LGSN: variants seen among roughly 807,000 people sequenced by gnomAD.
The protein encoded by LGSN is lengsin, lens protein with glutamine synthetase domain.
Under a neutral mutation model 19.5 loss-of-function variants are expected in LGSN, and 21 were observed. The ratio of observed to expected loss-of-function variants is 1.07; its 90% CI spans 0.76 to 1.55. LGSN has a LOEUF of 1.55. LGSN is among the 40% of genes most tolerant of loss of function. The pLI is 0.00. For synonymous variants in LGSN, 257 were observed against 215.6 expected (o/e 1.19, Z -1.68); for missense variants, 673 against 608.5 (o/e 1.11, Z -1.12).
chr6:63,533,832 T>TTAA, the LGSN span, among the ~76,000 whole-genome samples: 1 of 149,768 alleles, frequency 6.7e-6, no homozygotes, highest in African/African-American at 2.5e-5. Context: ...AACAAACTTT[T>TTAA]TTAATTAATT....
chr6:63,411,268 A>G, the LGSN span, among the ~76,000 whole-genome samples: 1 of 152,218 alleles, frequency 6.6e-6, no homozygotes, highest in Non-Finnish European at 1.5e-5. Flanking sequence ...TTACGCAGAC[A>G]TTCTCCCAGT....
the LGSN span, among the ~76,000 whole-genome samples, chr6:63,566,197 G>A: frequency 1.3e-5 from 2 of 152,220 alleles, no homozygotes; most frequent in Non-Finnish European, 2.9e-5. Context: ...GACAGGGCTG[G>A]TTTGAGATTT....
chr6:63,525,704 C>T, the LGSN span, among the ~76,000 whole-genome samples: 1 of 152,164 alleles, frequency 6.6e-6, no homozygotes, highest in Non-Finnish European at 1.5e-5. Flanking sequence ...TTTCACCTTT[C>T]CCCCCAGGCC....
chr6:63,387,104 A>C, the LGSN span, among the ~76,000 whole-genome samples: 1 of 152,178 alleles, frequency 6.6e-6, no homozygotes, highest in Middle Eastern at 3.2e-3. Context: ...CCGTCTCAAA[A>C]AAAAATAAAA....
the LGSN span, among the ~76,000 whole-genome samples, chr6:63,325,721 G>T: frequency 1.3e-5 from 2 of 152,150 alleles, no homozygotes; most frequent in East Asian, 3.9e-4. Context: ...ATGTTCAGAT[G>T]TGTTCGGAGT....
the LGSN span, among the ~76,000 whole-genome samples, chr6:63,385,167 AAAT>A: frequency 6.6e-6 from 1 of 152,242 alleles, no homozygotes; most frequent in African/African-American, 2.4e-5. Flanking sequence ...ATGAATTTTA[AAAT>A]AATGACACAA....
the LGSN span, among the ~76,000 whole-genome samples, chr6:63,447,173 G>A: frequency 6.6e-6 from 1 of 152,298 alleles, no homozygotes; most frequent in African/African-American, 2.4e-5. Flanking sequence ...CTCTGCTGTC[G>A]GTGTGCTTAA....
chr6:63,342,813 C>A, the LGSN span, among the ~76,000 whole-genome samples: 1 of 152,198 alleles, frequency 6.6e-6, no homozygotes, highest in Admixed American at 6.5e-5. Flanking sequence ...CAAATTCTGG[C>A]CCTAGCCTAT....
At chr6:63,313,877 TA>T (rs1296101973) in intron 1 of LGSN, among the ~76,000 whole-genome samples, 20 of 151,196 alleles carry the variant, frequency 1.3e-4, no homozygotes, top group African/African-American at 4.9e-4. Flanking sequence ...AATACATACA[TA>T]CATACATACA....
chr6:63,394,302 G>C, the LGSN span, among the ~76,000 whole-genome samples: 101 of 152,268 alleles, frequency 6.6e-4, no homozygotes, highest in African/African-American at 2.4e-3. Flanking sequence ...ACAGGTTGCA[G>C]TAAAGAAGCT....
rs1562019641 is a variant in LGSN at position 63,313,867 on chromosome 6, A to ATAC, written c.30+6046_30+6047insGTA. On this transcript the variant is annotated intron_variant, in intron 1 of 3. Coordinates refer to ENST00000370657, the MANE Select transcript of LGSN (RefSeq NM_016571.3). ...AAATAAATAAATAAATAAATAAATA[A>ATAC]ATACATACATACATACATACATACA... 1.6e-4 allele frequency among the ~76,000 whole-genome samples: 14 copies of ATAC among 88,940 alleles called. No individual in the cohort carries two copies. In the South Asian group the frequency reaches 2.5e-3, roughly 16 times the overall value. The allele number at this position is 88,940 out of a possible 152,430, so 58.3% of individuals were successfully genotyped here.
the LGSN span, among the ~76,000 whole-genome samples, chr6:63,501,355 T>A: frequency 8.0e-6 from 1 of 125,660 alleles, no homozygotes; most frequent in African/African-American, 3.6e-5. Flanking sequence ...AGAACAAAAC[T>A]TCGTCTCAAA....
At chr6:63,474,548 G>T in the LGSN span, among the ~76,000 whole-genome samples, 2 of 149,302 alleles carry the variant, frequency 1.3e-5, no homozygotes, top group Admixed American at 1.4e-4. Context: ...GGTGGAGCTT[G>T]CAGTGAGACA....
At chr6:63,298,910 A>G (rs1768084509) in intron 1 of LGSN, among the ~76,000 whole-genome samples, 1 of 152,234 alleles carries the variant, frequency 6.6e-6, no homozygotes, top group Non-Finnish European at 1.5e-5. Context: ...CAAAAAGCTT[A>G]AGCAACTAAT....
At chr6:63,476,231 G>C in the LGSN span, among the ~76,000 whole-genome samples, 1 of 152,058 alleles carries the variant, frequency 6.6e-6, no homozygotes, top group Non-Finnish European at 1.5e-5. Flanking sequence ...CTTGTTTATT[G>C]CAAGTTTTCA....
the LGSN span, among the ~76,000 whole-genome samples, chr6:63,334,929 G>C: frequency 6.1e-4 from 93 of 152,074 alleles, no homozygotes; most frequent in African/African-American, 2.1e-3. Flanking sequence ...ACAAGGTCAG[G>C]GGTTGAAGAC....
intron 1 of LGSN, among the ~76,000 whole-genome samples, chr6:63,307,496 A>G (rs1368533206): frequency 1.3e-5 from 2 of 152,214 alleles, no homozygotes; most frequent in Non-Finnish European, 2.9e-5. Flanking sequence ...TGGGCTGTGG[A>G]CAGGTCCAAG....
the LGSN span, among the ~76,000 whole-genome samples, chr6:63,388,022 T>C: frequency 6.6e-6 from 1 of 151,494 alleles, no homozygotes; most frequent in Non-Finnish European, 1.5e-5. Context: ...CCCACCATCA[T>C]GCCCAGCTAA....
chr6:63,418,411 AT>A, the LGSN span, among the ~76,000 whole-genome samples: 1 of 152,098 alleles, frequency 6.6e-6, no homozygotes. Context: ...AAATACAAAA[AT>A]TAGCTGAGCG....
Sources: allele counts gnomAD v4.1 joint callset (sites outside exome capture counted in the v4.1 genomes callset), GRCh38; gene constraint gnomAD v4.1.1; transcripts MANE v1.5; gene names NCBI Gene and HGNC (gene_info 2026-07-23, HGNC 2026-07-21).